Variants in SH3YL1 observed in about 807,000 individuals in gnomAD.
SH3YL1 encodes the protein SH3 domain-containing YSC84-like protein 1.
SH3YL1 carries 41 observed loss-of-function variants against 45.8 expected under a neutral mutation model. The ratio of observed to expected loss-of-function variants is 0.89; its 90% confidence interval spans 0.70 to 1.16. The LOEUF is 1.16. Ranked by LOEUF, SH3YL1 falls within the 50% of genes most tolerant of loss-of-function variation. SH3YL1 has a pLI of 0.00. For missense variants in SH3YL1, 389 were observed against 409.6 expected, an observed-to-expected ratio of 0.95 and a Z score of 0.43; for synonymous variants, 152 against 151.4, an observed-to-expected ratio of 1.00 and a Z score of -0.03.
chr2:229,786 A>C (rs1667952637), intron 8 of SH3YL1, 180 bp downstream of exon 8: 2 of 471,954 alleles, frequency 4.2e-6, no homozygotes, highest in East Asian at 6.9e-5. Flanking sequence ...AGTTTTCATA[A>C]ATTATAGCAA....
intron 4 of SH3YL1, among the ~76,000 whole-genome samples, chr2:235,346 T>A (rs1255444749): frequency 1.4e-5 from 2 of 143,230 alleles, no homozygotes; most frequent in Admixed American, 1.4e-4. Context: ...GCAGCATGGG[T>A]CAGGGGAGGC....
chr2:263,414 C>G (rs1284199779), intron 1 of SH3YL1: 1 of 155,290 alleles, frequency 6.4e-6, no homozygotes, highest in East Asian at 1.9e-4. Context: ...CAAGGCCCAG[C>G]GATCAGAGAG....
In SH3YL1 at chr2:247,780, T is replaced by C. The variant is rs533327033; in HGVS notation, c.227-178A>G. Among the ~76,000 whole-genome samples, 18 of 152,348 alleles carry C rather than the reference T, an allele frequency of 1.2e-4. No individual in the cohort carries two copies. In the South Asian group the frequency reaches 3.5e-3, roughly 30 times the overall value. ...TATGTAATTTTTAAAAAGTTAAAAA[T>C]ATTTTTAAAGTATTAGATATTCATT... is the stretch of plus-strand genomic sequence containing the variant. On this transcript the variant is annotated intron_variant, in intron 3 of 9. Coordinates refer to ENST00000356150, the MANE Select transcript of SH3YL1 (RefSeq NM_015677.4).
chr2:233,522 A>C (rs1281167163), intron 5 of SH3YL1, among the ~76,000 whole-genome samples: 1 of 152,220 alleles, frequency 6.6e-6, no homozygotes, highest in Admixed American at 6.5e-5. Context: ...AAATTTGTAA[A>C]TCTGACATTT....
rs564214375 is a variant in SH3YL1, at chr2:243,543, A to G, written c.291+3995T>C. 1.9e-6 allele frequency: 3 copies of G among 1,540,070 alleles called. No homozygotes were observed. The South Asian group carries it at 3.7e-5, about 19-fold the overall frequency. ...GCAGCCAGGGCAATGCTCAGAGGGA[A>G]TATGTAGCTGTAAATGTGTCTATTA... On this transcript the variant is annotated intron_variant, in intron 4 of 9. Coordinates refer to ENST00000356150, the MANE Select transcript of SH3YL1 (RefSeq NM_015677.4).
At chr2:232,827 T>C (rs569599713) in intron 6 of SH3YL1, 4 of 200,362 alleles carry the variant, frequency 2.0e-5, no homozygotes, top group African/African-American at 9.2e-5. Flanking sequence ...ACAAAAAAAA[T>C]TATGCTTAGG....
At chr2:221,741 A>G (rs1667584099) in intron 9 of SH3YL1, among the ~76,000 whole-genome samples, 1 of 152,196 alleles carries the variant, frequency 6.6e-6, no homozygotes, top group South Asian at 2.1e-4. Flanking sequence ...GGGGAGGAGT[A>G]CAAGAGAGTC....
At chr2:222,325 C>A (rs1667613663) in intron 9 of SH3YL1, 3 of 152,360 alleles carry the variant, frequency 2.0e-5, no homozygotes, top group Middle Eastern at 3.4e-3. Context: ...CACTTCCAGT[C>A]CACTTTCTCA....
chr2:239,867 T>C (rs1367447657), intron 4 of SH3YL1: 2 of 152,204 alleles, frequency 1.3e-5, no homozygotes, highest in Admixed American at 6.5e-5. Flanking sequence ...ATGAACACTA[T>C]TAAATATTGG....
intron 1 of SH3YL1, chr2:260,907 C>T (rs1295064877): frequency 1.3e-5 from 2 of 151,858 alleles, no homozygotes; most frequent in Admixed American, 6.5e-5. Flanking sequence ...TCTGTAAACA[C>T]GGGAAGAGAG....
chr2:250,684 T>C (rs1189497803), intron 2 of SH3YL1, among the ~76,000 whole-genome samples: 1 of 152,206 alleles, frequency 6.6e-6, no homozygotes, highest in African/African-American at 2.4e-5. Context: ...CATGGGGCTC[T>C]AGTACACAGA....
At chr2:233,279 G>T (rs772903105) in intron 5 of SH3YL1, 50 bp from the exon 6 acceptor site, 3 of 1,460,136 alleles carry the variant, frequency 2.1e-6, no homozygotes, top group Middle Eastern at 1.8e-4. Flanking sequence ...GCTCCAAGCC[G>T]AGGATCACTA....
intron 4 of SH3YL1, chr2:241,171 CAAT>C (rs1178479495): frequency 6.6e-6 from 1 of 151,970 alleles, no homozygotes; most frequent in African/African-American, 2.4e-5. Flanking sequence ...GAAAAACGTA[CAAT>C]GAGAATATCT....
At chr2:264,419 C>T, upstream of SH3YL1, 1 of 198,978 alleles carries the variant, frequency 5.0e-6, no homozygotes, top group South Asian at 1.3e-4. Flanking sequence ...TCGCGCTGTG[C>T]CCCAACCCAG....
chr2:231,256 G>C (rs1163841441), intron 6 of SH3YL1, 65 bp from the exon 7 acceptor site: 4 of 1,235,670 alleles, frequency 3.2e-6, no homozygotes, highest in East Asian at 5.1e-5. Context: ...GTTAAACATA[G>C]CATGTGCGCA....
intron 8 of SH3YL1, among the ~76,000 whole-genome samples, chr2:226,566 G>T (rs1448245944): frequency 6.6e-6 from 1 of 152,200 alleles, no homozygotes; most frequent in Non-Finnish European, 1.5e-5. Context: ...GCTGAAGAAT[G>T]TCATAATGGA....
At chr2:259,547 A>G (rs1184906513) in intron 1 of SH3YL1, 1 of 152,064 alleles carries the variant, frequency 6.6e-6, no homozygotes, top group Non-Finnish European at 1.5e-5. Flanking sequence ...TAAACAAGCA[A>G]GAAGAGCTAG....
At position 253,136 on chromosome 2, in the gene SH3YL1, T is replaced by C. The variant is rs1197063439; in HGVS notation, c.2-21A>G. 7 of 1,329,460 alleles carry C rather than the reference T, an allele frequency of 5.3e-6. No individual in the cohort carries two copies. In the African/African-American group the frequency reaches 8.9e-5, roughly 17 times the overall value. 82.4% of individuals were successfully genotyped at this position (1,329,460 alleles called of 1,614,324 possible). A position where few individuals can be genotyped will look rare whatever the true frequency, so the allele number is the denominator to read the frequency against. On this transcript the variant is annotated intron_variant, in intron 1 of 9. Transcript: ENST00000356150. ...ATTCACTGAAACATAACAAAAGATA[T>C]TTTAATGAAAAATTCTGCTAAATAG...
At chr2:262,999 T>C (rs1669650259) in intron 1 of SH3YL1, among the ~76,000 whole-genome samples, 2 of 152,172 alleles carry the variant, frequency 1.3e-5, no homozygotes, top group Admixed American at 6.5e-5. Flanking sequence ...ACATAGTAAT[T>C]TGTAAACATC....
Sources: allele counts gnomAD v4.1 joint callset (sites outside exome capture counted in the v4.1 genomes callset), GRCh38; gene constraint gnomAD v4.1.1; transcripts MANE v1.5; gene names NCBI Gene and HGNC (gene_info 2026-07-23, HGNC 2026-07-21).